Variants in SORCS2 observed in about 807,000 individuals in gnomAD.
The protein encoded by SORCS2 is sortilin related VPS10 domain containing receptor 2, also known as VPS10 domain-containing receptor SorCS2.
SORCS2 carries 100 observed loss-of-function variants against 141.6 expected under a neutral mutation model. The observed-to-expected ratio is 0.71, with a 90% CI of 0.60 to 0.83. SORCS2 has a LOEUF of 0.83. SORCS2 is among the 40% of genes least tolerant of loss of function. SORCS2 has a pLI of 0.00. For missense variants in SORCS2, 1,646 were observed against 1,560.2 expected (o/e 1.05, Z -0.93); for synonymous variants, 789 against 676.9 (o/e 1.17, Z -2.57).
intron 10 of SORCS2, among the ~76,000 whole-genome samples, chr4:7,683,729 G>A (rs1006659588): frequency 1.3e-5 from 2 of 152,198 alleles, no homozygotes; most frequent in African/African-American, 4.8e-5. Context: ...TGATAGAGCT[G>A]GGCCAGAGTT....
intron 3 of SORCS2, among the ~76,000 whole-genome samples, chr4:7,544,438 A>G (rs1560374421): frequency 1.3e-5 from 2 of 152,212 alleles, no homozygotes; most frequent in Non-Finnish European, 2.9e-5. Flanking sequence ...TAGTGGGAGC[A>G]TATGGAGGCT....
chr4:7,585,295 G>T (rs1716463242), intron 3 of SORCS2, among the ~76,000 whole-genome samples: 1 of 152,208 alleles, frequency 6.6e-6, no homozygotes, highest in Non-Finnish European at 1.5e-5. Context: ...AGTGCGGCCT[G>T]CATTCCTGCA....
rs554990609 is a variant in SORCS2, at chr4:7,334,009, G to A, written c.481-62279G>A. On this transcript the variant is annotated intron_variant, in intron 1 of 26. Coordinates refer to ENST00000507866, the MANE Select transcript of SORCS2 (RefSeq NM_020777.3). ...GACAGCGTCCCCTGCTGCCAGAGCCGACTGGGACCTTGTCCAGCCTCACAG... is the reference window on the plus strand; with the variant it reads ...GACAGCGTCCCCTGCTGCCAGAGCCAACTGGGACCTTGTCCAGCCTCACAG... Among the ~76,000 whole-genome samples the A allele has an allele frequency of 2.5e-4, 38 of 152,226 alleles. No homozygotes were observed. The South Asian group carries it at 4.1e-3, about 17-fold the overall frequency.
intron 4 of SORCS2, among the ~76,000 whole-genome samples, chr4:7,646,656 A>G (rs144984887): frequency 4.1e-4 from 62 of 152,300 alleles, no homozygotes; most frequent in African/African-American, 1.3e-3. Flanking sequence ...AAAAAAAGAC[A>G]GGCACAGAGG....
intron 2 of SORCS2, among the ~76,000 whole-genome samples, chr4:7,422,234 G>A (rs561485562): frequency 1.3e-5 from 2 of 152,270 alleles, no homozygotes; most frequent in Admixed American, 6.5e-5. Flanking sequence ...TCTTGAGTGG[G>A]CCACCTGGGC....
intron 1 of SORCS2, among the ~76,000 whole-genome samples, chr4:7,380,955 G>GCA (rs1722951900): frequency 2.0e-5 from 3 of 151,802 alleles, no homozygotes; most frequent in Admixed American, 6.6e-5. Flanking sequence ...GGTGGCAGGT[G>GCA]CCTGTAGTCC....
intron 1 of SORCS2, among the ~76,000 whole-genome samples, chr4:7,383,635 C>T (rs954451973): frequency 6.6e-6 from 1 of 152,220 alleles, no homozygotes; most frequent in African/African-American, 2.4e-5. Context: ...GCACTAACAA[C>T]ATCACAGCTT....
chr4:7,659,377 C>T (rs1383827732), intron 5 of SORCS2, among the ~76,000 whole-genome samples: 2 of 152,212 alleles, frequency 1.3e-5, no homozygotes, highest in African/African-American at 4.8e-5. Context: ...GACTCCATCC[C>T]TGCCTTCCCT....
At position 7,426,692 on chromosome 4, in the gene SORCS2, A is replaced by G. The variant is rs73086327; in HGVS notation, c.548+30337A>G. Among the ~76,000 whole-genome samples the G allele has an allele frequency of 9.4e-3, 1,431 of 152,088 alleles. 25 individuals carry two copies. The highest frequency in any genetic ancestry group is 0.033 in the African/African-American group (1,375 of 41,478). On this transcript the variant is annotated intron_variant, in intron 2 of 26. Transcript: ENST00000507866. ...GTCACCTCATTTCCTCCCTGGACAA[A>G]CCCCACAAGAGAGGGTACCTTTACC...
intron 2 of SORCS2, among the ~76,000 whole-genome samples, chr4:7,444,567 G>C (rs934474575): frequency 1.3e-5 from 2 of 152,238 alleles, no homozygotes; most frequent in Admixed American, 1.3e-4. Context: ...ATGGGGGCAG[G>C]AGCAGAAGGC....
chr4:7,658,724 G>A (rs900427961), intron 5 of SORCS2, among the ~76,000 whole-genome samples: 2 of 152,210 alleles, frequency 1.3e-5, no homozygotes, highest in Non-Finnish European at 2.9e-5. Context: ...TCCACCTGGG[G>A]CCACTTGGGT....
chr4:7,367,614 C>T (rs774096647), intron 1 of SORCS2, among the ~76,000 whole-genome samples: 22 of 152,320 alleles, frequency 1.4e-4, no homozygotes, highest in Non-Finnish European at 3.1e-4. Flanking sequence ...AGGCTGAGCT[C>T]TGCATCAGTA....
At chr4:7,480,226 G>A (rs1335841258) in intron 2 of SORCS2, among the ~76,000 whole-genome samples, 1 of 152,222 alleles carries the variant, frequency 6.6e-6, no homozygotes, top group Non-Finnish European at 1.5e-5. Context: ...TGTTGAGCCC[G>A]AGAGTCTCTG....
At chr4:7,456,950 C>A (rs1273347807) in intron 2 of SORCS2, among the ~76,000 whole-genome samples, 1 of 152,084 alleles carries the variant, frequency 6.6e-6, no homozygotes, top group Non-Finnish European at 1.5e-5. Flanking sequence ...TGCACGCAGC[C>A]ACCTCCAGGG....
In SORCS2 at chr4:7,584,241, C is replaced by A. The variant is rs1258454307; in HGVS notation, c.648+52612C>A. On this transcript the variant is annotated intron_variant, in intron 3 of 26. Coordinates refer to ENST00000507866, the MANE Select transcript of SORCS2 (RefSeq NM_020777.3). ...GGATAAGAGGAAAGGAGTCCAAGAG[C>A]ATGGGAATCCCAGTGGCCTCTGAGT... Among the ~76,000 whole-genome samples, 4 of 152,170 alleles carry A rather than the reference C, an allele frequency of 2.6e-5. No individual in the cohort carries two copies. The East Asian group carries it at 7.7e-4, about 29-fold the overall frequency.
chr4:7,584,730 T>G (rs1440880322), intron 3 of SORCS2, among the ~76,000 whole-genome samples: 1 of 152,144 alleles, frequency 6.6e-6, no homozygotes, highest in East Asian at 1.9e-4. Flanking sequence ...CATCTAAGAT[T>G]GAGCAGTTTT....
intron 8 of SORCS2, among the ~76,000 whole-genome samples, chr4:7,672,955 C>T (rs183189249): frequency 2.4e-4 from 37 of 152,256 alleles, no homozygotes; most frequent in South Asian, 8.3e-4. Flanking sequence ...ATATTGGCAA[C>T]GTTGGTGTTT....
chr4:7,601,327 T>C (rs1374018363), intron 3 of SORCS2, among the ~76,000 whole-genome samples: 1 of 151,982 alleles, frequency 6.6e-6, no homozygotes, highest in East Asian at 1.9e-4. Flanking sequence ...TTTTTTTAAG[T>C]TATCAAGCAA....
In SORCS2 at chr4:7,657,665, GTAAT is replaced by G. The variant is rs1327036212; in HGVS notation, c.887+3461_887+3464del. On this transcript the variant is annotated intron_variant, in intron 5 of 26. Transcript: ENST00000507866. ...AGTGAATGAGTGACTGAGTGAATGA[GTAAT>G]TAGTGAATGAGTGACTGAGTCTGTG... Among the ~76,000 whole-genome samples, 8 of 152,052 alleles carry G rather than the reference GTAAT, an allele frequency of 5.3e-5. No homozygotes were observed. The East Asian group carries it at 5.8e-4, about 11-fold the overall frequency.
Sources: allele counts gnomAD v4.1 joint callset (sites outside exome capture counted in the v4.1 genomes callset), GRCh38; gene constraint gnomAD v4.1.1; transcripts MANE v1.5; gene names NCBI Gene and HGNC (gene_info 2026-07-23, HGNC 2026-07-21).